SDK1: variants seen among roughly 807,000 people sequenced by gnomAD.
The protein encoded by SDK1 is protein sidekick-1.
SDK1 carries 157 observed loss-of-function variants against 245.5 expected under a neutral mutation model. The observed-to-expected ratio is 0.64, with a 90% CI of 0.56 to 0.73. SDK1 has a LOEUF of 0.73. Among genes scored for constraint, SDK1 ranks in the 30% least tolerant of loss-of-function variants. SDK1 has a pLI of 0.00. For synonymous variants in SDK1, 1,647 were observed against 1,278.5 expected (o/e 1.29, Z -6.15); for missense variants, 3,583 against 3,002.3 (o/e 1.19, Z -4.52).
At chr7:3,903,845 G>C (rs538882029) in intron 5 of SDK1, among the ~76,000 whole-genome samples, 1 of 152,214 alleles carries the variant, frequency 6.6e-6, no homozygotes, top group South Asian at 2.1e-4. Context: ...CTCTCCCTTG[G>C]GAGTGAGTTC....
intron 2 of SDK1, among the ~76,000 whole-genome samples, chr7:3,634,395 C>T (rs1782392993): frequency 6.6e-6 from 1 of 152,182 alleles, no homozygotes; most frequent in South Asian, 2.1e-4. Context: ...CAGAAATGGA[C>T]ATTTAAGCCT....
At chr7:4,165,498 T>C (rs1781447828) in intron 32 of SDK1, among the ~76,000 whole-genome samples, 2 of 152,178 alleles carry the variant, frequency 1.3e-5, no homozygotes, top group South Asian at 4.1e-4. Flanking sequence ...CCAGTTCTGT[T>C]TGAAAGCTAA....
chr7:3,384,644 C>A (rs903545540), intron 1 of SDK1, among the ~76,000 whole-genome samples: 3 of 152,210 alleles, frequency 2.0e-5, no homozygotes, highest in African/African-American at 7.2e-5. Context: ...TCTTGAGATA[C>A]GCTGTTAGAT....
At chr7:3,604,618 T>C (rs1451326839) in intron 1 of SDK1, among the ~76,000 whole-genome samples, 1 of 149,320 alleles carries the variant, frequency 6.7e-6, no homozygotes, top group African/African-American at 2.4e-5. Flanking sequence ...TTTTTTTTTT[T>C]TGAGACAGAG....
At chr7:3,373,820 C>A (rs543246052) in intron 1 of SDK1, among the ~76,000 whole-genome samples, 4 of 152,074 alleles carry the variant, frequency 2.6e-5, no homozygotes, top group African/African-American at 9.7e-5. Flanking sequence ...ACTTCAGTAG[C>A]TTTTGTATAT....
intron 1 of SDK1, among the ~76,000 whole-genome samples, chr7:3,547,866 C>T (rs144797933): frequency 6.6e-6 from 1 of 152,194 alleles, no homozygotes; most frequent in Admixed American, 6.5e-5. Context: ...TCCTTTCTGC[C>T]TGGCCATCTG....
At chr7:4,138,138 GAGA>G (rs764037555) in intron 28 of SDK1, among the ~76,000 whole-genome samples, 4 of 152,204 alleles carry the variant, frequency 2.6e-5, no homozygotes, top group Non-Finnish European at 5.9e-5. Context: ...AGATCAGAGA[GAGA>G]AGAAGAACCC....
rs5882008 is a variant in SDK1, at chr7:3,880,543, CTTTTT to C, written c.847+58982_847+58986del. Among the ~76,000 whole-genome samples, 754 of 92,050 alleles carry C rather than the reference CTTTTT, an allele frequency of 8.2e-3. 11 individuals carry two copies. Among genetic ancestry groups the C allele is most frequent in the African/African-American group, 0.029 (705 of 24,510 alleles). 60.4% of individuals were successfully genotyped at this position (92,050 alleles called of 152,430 possible). A position where few individuals can be genotyped will look rare whatever the true frequency, so the allele number is the denominator to read the frequency against. On this transcript the variant is annotated intron_variant, in intron 5 of 44. Transcript: ENST00000404826. The stretch of plus-strand genomic sequence containing the variant: ...TGACATTTTAAAACAATGCCCTGGT[CTTTTT>C]TTTTTTTTTTTTTTTTTTTTTAAGA...
chr7:4,035,034 A>G (rs1189137249), intron 17 of SDK1, among the ~76,000 whole-genome samples: 1 of 152,220 alleles, frequency 6.6e-6, no homozygotes, highest in African/African-American at 2.4e-5. Flanking sequence ...GCTGGAGTGC[A>G]GTGGCACAGT....
intron 5 of SDK1, among the ~76,000 whole-genome samples, chr7:3,925,009 C>G (rs1187752520): frequency 6.6e-6 from 1 of 152,194 alleles, no homozygotes; most frequent in Admixed American, 6.5e-5. Flanking sequence ...GGTCCAGACT[C>G]TTAATGTGAT....
intron 1 of SDK1, among the ~76,000 whole-genome samples, chr7:3,583,736 T>A (rs1409664597): frequency 6.6e-6 from 1 of 151,956 alleles, no homozygotes; most frequent in Non-Finnish European, 1.5e-5. Flanking sequence ...ACAGAAGGCA[T>A]TGGCAGGAAG....
At chr7:3,665,811 T>C (rs1464446469) in intron 4 of SDK1, among the ~76,000 whole-genome samples, 2 of 152,214 alleles carry the variant, frequency 1.3e-5, no homozygotes, top group Non-Finnish European at 2.9e-5. Flanking sequence ...TGATTCATGC[T>C]TGGAGTATCC....
chr7:4,140,572 A>AG (rs34298986), intron 28 of SDK1, among the ~76,000 whole-genome samples: 27,079 of 152,048 alleles, frequency 0.18, 2,580 homozygotes, highest in South Asian at 0.24. Context: ...ATACTGCAGC[A>AG]GGGGGGAGCT....
At chr7:4,156,793 T>G (rs1374514977) in intron 30 of SDK1, among the ~76,000 whole-genome samples, 8 of 152,180 alleles carry the variant, frequency 5.3e-5, no homozygotes, top group African/African-American at 1.9e-4. Flanking sequence ...CTTCAGAGAC[T>G]TCAGAGTCCT....
intron 42 of SDK1, among the ~76,000 whole-genome samples, chr7:4,240,739 G>T (rs1786467498): frequency 6.6e-6 from 1 of 152,116 alleles, no homozygotes; most frequent in Non-Finnish European, 1.5e-5. Flanking sequence ...TATGTACATG[G>T]GCCTGAGAAA....
At chr7:3,380,931 G>T (rs549184596) in intron 1 of SDK1, among the ~76,000 whole-genome samples, 3 of 152,298 alleles carry the variant, frequency 2.0e-5, no homozygotes, top group Non-Finnish European at 4.4e-5. Flanking sequence ...GGAAACCTGA[G>T]AAATCAAGCT....
intron 2 of SDK1, among the ~76,000 whole-genome samples, chr7:3,619,952 A>G (rs1781883765): frequency 1.3e-5 from 2 of 152,204 alleles, no homozygotes; most frequent in Non-Finnish European, 1.5e-5. Flanking sequence ...TTCCAGGGGT[A>G]TACTTTTGAG....
At chr7:3,561,088 A>AC (rs1779736994) in intron 1 of SDK1, among the ~76,000 whole-genome samples, 1 of 151,214 alleles carries the variant, frequency 6.6e-6, no homozygotes, top group African/African-American at 2.4e-5. Context: ...CCCCTTCCCC[A>AC]CCCCTAGTGC....
chr7:4,064,554 C>G (rs1488523397), intron 19 of SDK1, among the ~76,000 whole-genome samples: 1 of 152,124 alleles, frequency 6.6e-6, no homozygotes, highest in East Asian at 1.9e-4. Flanking sequence ...CCAGCAATCC[C>G]ACTATTGGGT....
Sources: allele counts gnomAD v4.1 joint callset (sites outside exome capture counted in the v4.1 genomes callset), GRCh38; gene constraint gnomAD v4.1.1; transcripts MANE v1.5; gene names NCBI Gene and HGNC (gene_info 2026-07-23, HGNC 2026-07-21).